MYO3B: variants seen among roughly 807,000 people sequenced by gnomAD.
The protein encoded by MYO3B is myosin-IIIb.
MYO3B carries 156 observed loss-of-function variants against 174.6 expected under a neutral mutation model. The ratio of observed to expected loss-of-function variants is 0.89; its 90% CI spans 0.78 to 1.02. The LOEUF (loss-of-function observed/expected upper bound fraction) is 1.02. Among genes scored for constraint, MYO3B ranks in the 50% least tolerant of loss-of-function variants. The probability of loss-of-function intolerance (pLI) is 0.00; values close to 1 mark genes in which losing one functional copy is unlikely to be tolerated. For missense variants in MYO3B, 1,632 were observed against 1,639.4 expected (o/e 1.00, Z 0.08); for synonymous variants, 563 against 569.1 (o/e 0.99, Z 0.15).
chr2:170,207,196 A>G (rs894718927), intron 3 of MYO3B, among the ~76,000 whole-genome samples: 1 of 151,992 alleles, frequency 6.6e-6, no homozygotes, highest in Non-Finnish European at 1.5e-5. Context: ...CAGAGGGAGC[A>G]TCCTCATTCT....
At chr2:170,358,781 G>A (rs2094140919) in intron 8 of MYO3B, among the ~76,000 whole-genome samples, 1 of 152,138 alleles carries the variant, frequency 6.6e-6, no homozygotes, top group Admixed American at 6.5e-5. Context: ...AATAGGGACG[G>A]CCTTCTCCGT....
At chr2:170,489,407 T>C (rs1455176185) in intron 25 of MYO3B, among the ~76,000 whole-genome samples, 1 of 152,128 alleles carries the variant, frequency 6.6e-6, no homozygotes, top group Non-Finnish European at 1.5e-5. Context: ...CAGTGTGCGG[T>C]GCAGAAGCCC....
rs144933852 is a variant in MYO3B, at chr2:170,598,886, G to A, written c.3734-52742G>A. On this transcript the variant is annotated intron_variant, in intron 32 of 34. Transcript: ENST00000408978. ...AAGCTAAGAATCTAGTACCTCGTAA[G>A]CTATAAAACTATAGTTAACCATTAT... Among the ~76,000 whole-genome samples, 188 of 152,298 alleles carry A rather than the reference G, an allele frequency of 1.2e-3. 1 individual carries two copies. Among genetic ancestry groups the A allele is most frequent in the African/African-American group, 4.3e-3 (179 of 41,556 alleles).
rs533220842 is a variant in MYO3B, at chr2:170,581,593, A to T, written c.3733+37605A>T. Among the ~76,000 whole-genome samples, 104 of 151,778 alleles carry T rather than the reference A, an allele frequency of 6.9e-4. 1 individual carries two copies. Among genetic ancestry groups the T allele is most frequent in the Admixed American group, 2.3e-3 (35 of 15,224 alleles). On this transcript the variant is annotated intron_variant, in intron 32 of 34. Coordinates refer to ENST00000408978, the MANE Select transcript of MYO3B (RefSeq NM_138995.5). Reference sequence around the variant, plus strand: ...TAAAGTTTTAATCTTTTTTTTTCACACATAGGTAATCACTCCACCTCAAAT... The same window carrying T: ...TAAAGTTTTAATCTTTTTTTTTCACTCATAGGTAATCACTCCACCTCAAAT...
At chr2:170,392,129 A>G (rs1225593618) in intron 15 of MYO3B, among the ~76,000 whole-genome samples, 3 of 151,408 alleles carry the variant, frequency 2.0e-5, no homozygotes, top group Non-Finnish European at 4.4e-5. Flanking sequence ...TCTCAAAAAA[A>G]AAAAAAAAAA....
chr2:170,290,612 G>A (rs1448418349), intron 7 of MYO3B, among the ~76,000 whole-genome samples: 1 of 152,076 alleles, frequency 6.6e-6, no homozygotes, highest in Non-Finnish European at 1.5e-5. Context: ...CATATAATTG[G>A]ATCTTGTTTC....
At chr2:170,605,912 G>A (rs554102601) in intron 32 of MYO3B, among the ~76,000 whole-genome samples, 1 of 152,206 alleles carries the variant, frequency 6.6e-6, no homozygotes, top group South Asian at 2.1e-4. Context: ...CAGAAGTCTG[G>A]AAGCCATTCT....
At chr2:170,497,135 A>T (rs937394361) in intron 25 of MYO3B, among the ~76,000 whole-genome samples, 1 of 152,178 alleles carries the variant, frequency 6.6e-6, no homozygotes, top group Non-Finnish European at 1.5e-5. Flanking sequence ...CCCACACGTG[A>T]AAGGTACTCT....
intron 7 of MYO3B, among the ~76,000 whole-genome samples, chr2:170,327,426 C>G (rs1208366463): frequency 7.3e-6 from 1 of 136,116 alleles, no homozygotes; most frequent in Non-Finnish European, 1.7e-5. Flanking sequence ...AATTTAACTA[C>G]AAGCTTTTGC....
intron 14 of MYO3B, 23 bp downstream of exon 14, chr2:170,387,331 G>A (rs2094383876): frequency 6.2e-7 from 1 of 1,608,246 alleles, no homozygotes; most frequent in Admixed American, 1.7e-5. Context: ...CTTTATCACT[G>A]TGTTTTTGCC....
rs143663472 is a variant in MYO3B at position 170,549,705 on chromosome 2, G to T, written c.3733+5717G>T. On this transcript the variant is annotated intron_variant, in intron 32 of 34. Transcript: ENST00000408978. ...TGTTTTCCAAAATGTGGGATTTTCAGTGCTTACACCAGGACAGTCCCAGGC... is the reference window on the plus strand; with the variant it reads ...TGTTTTCCAAAATGTGGGATTTTCATTGCTTACACCAGGACAGTCCCAGGC... Among the ~76,000 whole-genome samples, 3 of 152,256 alleles carry T rather than the reference G, an allele frequency of 2.0e-5. No homozygotes were observed. The East Asian group carries it at 5.8e-4, about 29-fold the overall frequency.
At chr2:170,503,392 A>G (rs1453372737) in intron 28 of MYO3B, among the ~76,000 whole-genome samples, 1 of 151,660 alleles carries the variant, frequency 6.6e-6, no homozygotes, top group Non-Finnish European at 1.5e-5. Context: ...CCTATGGGGT[A>G]GCTACCATGG....
chr2:170,582,927 A>G (rs1462339044), intron 32 of MYO3B, among the ~76,000 whole-genome samples: 2 of 152,042 alleles, frequency 1.3e-5, no homozygotes. Context: ...ACTTCAAAGG[A>G]TATAAAAGCA....
At chr2:170,463,316 A>G (rs544690324) in intron 23 of MYO3B, 52 bp from the exon 24 acceptor site, 4 of 1,519,158 alleles carry the variant, frequency 2.6e-6, no homozygotes, top group Non-Finnish European at 3.6e-6. Flanking sequence ...GACATGGAGC[A>G]TGAGGTAAGT....
chr2:170,280,850 T>C (rs967246475), intron 7 of MYO3B, among the ~76,000 whole-genome samples: 14 of 152,072 alleles, frequency 9.2e-5, no homozygotes, highest in African/African-American at 3.1e-4. Context: ...TGTTTTTGTA[T>C]CAGTACTATG....
intron 32 of MYO3B, among the ~76,000 whole-genome samples, chr2:170,596,192 GA>G (rs200423361): frequency 4.6e-5 from 7 of 151,982 alleles, no homozygotes; most frequent in African/African-American, 1.7e-4. Context: ...TGGCCAAAAG[GA>G]AAAAAAATTT....
intron 32 of MYO3B, among the ~76,000 whole-genome samples, chr2:170,548,691 A>G (rs1033002895): frequency 6.6e-6 from 1 of 152,234 alleles, no homozygotes; most frequent in Non-Finnish European, 1.5e-5. Flanking sequence ...TATTGAGTGC[A>G]CAAACACAAT....
chr2:170,449,900 A>G (rs922147529), intron 23 of MYO3B, among the ~76,000 whole-genome samples: 1 of 152,224 alleles, frequency 6.6e-6, no homozygotes, highest in Non-Finnish European at 1.5e-5. Flanking sequence ...CTCTATTCCA[A>G]TAACACAATT....
At chr2:170,426,261 C>T (rs552180055) in intron 22 of MYO3B, among the ~76,000 whole-genome samples, 2 of 151,742 alleles carry the variant, frequency 1.3e-5, no homozygotes, top group South Asian at 4.2e-4. Context: ...ATTGCTTGAG[C>T]CCAGGAGTTC....
Sources: allele counts gnomAD v4.1 joint callset (sites outside exome capture counted in the v4.1 genomes callset), GRCh38; gene constraint gnomAD v4.1.1; transcripts MANE v1.5; gene names NCBI Gene and HGNC (gene_info 2026-07-23, HGNC 2026-07-21).